PCDHA2: variants seen among roughly 807,000 people sequenced by gnomAD.
PCDHA2 encodes protocadherin alpha-2.
Under a neutral mutation model 66.0 loss-of-function variants are expected in PCDHA2, and 58 were observed. The ratio of observed to expected loss-of-function variants is 0.88; its 90% CI spans 0.71 to 1.09. The LOEUF (loss-of-function observed/expected upper bound fraction) is 1.09. Among genes scored for constraint, PCDHA2 ranks in the 50% least tolerant of loss-of-function variants. The pLI, the probability that PCDHA2 is intolerant of heterozygous loss-of-function variation, is 0.00. For synonymous variants in PCDHA2, 634 were observed against 554.0 expected (o/e 1.14, Z -2.03); for missense variants, 1,267 against 1,242.3 (o/e 1.02, Z -0.30).
intron 1 of PCDHA2, chr5:140,823,971 A>C: frequency 6.2e-7 from 1 of 1,614,076 alleles, no homozygotes; most frequent in East Asian, 2.2e-5. Flanking sequence ...CCGTGTGCAC[A>C]CGGGGCAAGC....
At position 141,010,166 on chromosome 5, in the gene PCDHA2, A is replaced by T; in HGVS notation, c.*229A>T. 1 of 1,562,828 alleles carries T rather than the reference A, an allele frequency of 6.4e-7. No individual in the cohort carries two copies. On this transcript the variant is annotated 3_prime_UTR_variant, in exon 4 of 4. Coordinates refer to ENST00000526136, the MANE Select transcript of PCDHA2 (RefSeq NM_018905.3). ...TCTCTCCACTCTGGCTTGTTTTCAG[A>T]ACCTAAAAAGCAGACCCAAGTTTCC... is the stretch of plus-strand genomic sequence containing the variant.
At position 141,006,497 on chromosome 5, in the gene PCDHA2, G is replaced by C. The variant is rs575942325; in HGVS notation, c.2537-3130G>C. Among the ~76,000 whole-genome samples the C allele has an allele frequency of 2.6e-5, 4 of 152,288 alleles. No homozygotes were observed. In the South Asian group the frequency reaches 8.3e-4, roughly 32 times the overall value. ...CAAAGTGCTGGGATTACATGTGTGA[G>C]CCACCGCGCCTGGCTGTTATACATC... On this transcript the variant is annotated intron_variant, in intron 3 of 3. Transcript: ENST00000526136.
chr5:140,972,700 T>C (rs1353443535), intron 1 of PCDHA2, among the ~76,000 whole-genome samples: 3 of 147,702 alleles, frequency 2.0e-5, no homozygotes, highest in African/African-American at 7.5e-5. Context: ...AGTCTCACTC[T>C]GTTGCCAGGC....
At chr5:140,970,243 T>C (rs1554232347) in intron 1 of PCDHA2, among the ~76,000 whole-genome samples, 1 of 152,252 alleles carries the variant, frequency 6.6e-6, no homozygotes, top group Non-Finnish European at 1.5e-5. Flanking sequence ...TGATTTTCTG[T>C]TGACAGTTTC....
intron 1 of PCDHA2, chr5:140,863,342 T>G: frequency 7.5e-7 from 1 of 1,338,916 alleles, no homozygotes; most frequent in Non-Finnish European, 1.0e-6. Flanking sequence ...ACGTTGCTGC[T>G]GTACACGACG....
At chr5:140,863,412 G>A (rs1226445956) in intron 1 of PCDHA2, 2 of 735,306 alleles carry the variant, frequency 2.7e-6, no homozygotes, top group Non-Finnish European at 4.6e-6. Flanking sequence ...CCACGCTGGT[G>A]TACCGCAGCG....
chr5:140,809,625 C>A (rs782420889), intron 1 of PCDHA2: 3 of 1,508,084 alleles, frequency 2.0e-6, no homozygotes, highest in Non-Finnish European at 1.8e-6. Flanking sequence ...TCTCTATCAA[C>A]TTCTTCGTAA....
intron 1 of PCDHA2, among the ~76,000 whole-genome samples, chr5:140,920,489 A>G (rs1323711960): frequency 2.6e-5 from 4 of 152,182 alleles, no homozygotes; most frequent in African/African-American, 9.7e-5. Flanking sequence ...TGGTCCAACA[A>G]TAGAGTTCTA....
chr5:140,954,208 A>C (rs568734009), intron 1 of PCDHA2, among the ~76,000 whole-genome samples: 1 of 152,254 alleles, frequency 6.6e-6, no homozygotes, highest in Admixed American at 6.5e-5. Context: ...GGTTGATCCC[A>C]TGTTTTTGCT....
chr5:140,830,459 G>T (rs1554132838), intron 1 of PCDHA2: 6 of 1,580,018 alleles, frequency 3.8e-6, no homozygotes, highest in Non-Finnish European at 5.2e-6. Flanking sequence ...GGAGAATCAG[G>T]ATTTAAATGA....
intron 1 of PCDHA2, chr5:140,875,192 C>T (rs2055339316): frequency 2.0e-6 from 1 of 509,102 alleles, no homozygotes. Flanking sequence ...AAGAGTGACC[C>T]AGGAAGTGGC....
In PCDHA2 at chr5:140,900,299, G is replaced by T. The variant is rs1042472528; in HGVS notation, c.2389-78650G>T. ...CCACACTTTCTTTTCTGTTTTTTTA[G>T]ACAGTCTCACTTTTGTCGCCCAGGC... On this transcript the variant is annotated intron_variant, in intron 1 of 3. Coordinates refer to ENST00000526136, the MANE Select transcript of PCDHA2 (RefSeq NM_018905.3). 2.0e-5 allele frequency among the ~76,000 whole-genome samples: 3 copies of T among 151,604 alleles called. No homozygotes were observed. The East Asian group carries it at 5.8e-4, about 29-fold the overall frequency.
At chr5:140,909,353 T>C (rs2074452823) in intron 1 of PCDHA2, among the ~76,000 whole-genome samples, 1 of 152,156 alleles carries the variant, frequency 6.6e-6, no homozygotes, top group Non-Finnish European at 1.5e-5. Flanking sequence ...CCAAGAGATG[T>C]GTTAATTTGT....
At chr5:140,950,669 G>C (rs1554219570) in intron 1 of PCDHA2, among the ~76,000 whole-genome samples, 1 of 151,992 alleles carries the variant, frequency 6.6e-6, no homozygotes, top group African/African-American at 2.4e-5. Flanking sequence ...TATCAAACAT[G>C]TACATGTATA....
At chr5:141,007,419 T>C (rs1554261276) in intron 3 of PCDHA2, among the ~76,000 whole-genome samples, 3 of 141,394 alleles carry the variant, frequency 2.1e-5, no homozygotes, top group African/African-American at 5.2e-5. Flanking sequence ...AAAAAAAAAA[T>C]TAGCCAGGCA....
chr5:140,948,385 T>A (rs909867343), intron 1 of PCDHA2, among the ~76,000 whole-genome samples: 4 of 151,622 alleles, frequency 2.6e-5, no homozygotes, highest in Admixed American at 2.6e-4. Flanking sequence ...TTCCTCTATT[T>A]TCTGAAAGGT....
At chr5:140,965,607 T>C (rs2095916367) in intron 1 of PCDHA2, among the ~76,000 whole-genome samples, 1 of 152,088 alleles carries the variant, frequency 6.6e-6, no homozygotes, top group Non-Finnish European at 1.5e-5. Flanking sequence ...CTTGAAGACA[T>C]TGTCATCCAT....
intron 1 of PCDHA2, among the ~76,000 whole-genome samples, chr5:140,948,446 G>A (rs1445406552): frequency 6.6e-6 from 1 of 151,446 alleles, no homozygotes; most frequent in Non-Finnish European, 1.5e-5. Flanking sequence ...CTGTGCCAGG[G>A]ATTTTCTTTT....
intron 1 of PCDHA2, chr5:140,808,061 A>G: frequency 6.2e-7 from 1 of 1,613,852 alleles, no homozygotes; most frequent in South Asian, 1.1e-5. Flanking sequence ...TGTGAAATCC[A>G]AGTTTCACAT....
Sources: gnomAD v4.1 joint callset for allele counts (sites outside exome capture counted in the v4.1 genomes callset) on GRCh38, gnomAD v4.1.1 for gene constraint, MANE v1.5 for transcripts, NCBI Gene and HGNC (gene_info 2026-07-23, HGNC 2026-07-21) for gene names.